Variants in MACROD1 observed in about 807,000 individuals in gnomAD.
MACROD1 encodes the protein ADP-ribose glycohydrolase MACROD1.
A neutral mutation model predicts 41.4 loss-of-function variants in MACROD1; 31 were observed. The ratio of observed to expected loss-of-function variants is 0.75; its 90% CI spans 0.56 to 1.01. MACROD1 has a LOEUF of 1.01. Among genes scored for constraint, MACROD1 ranks in the 50% least tolerant of loss-of-function variants. The probability of loss-of-function intolerance (pLI) is 0.00; values close to 1 mark genes in which losing one functional copy is unlikely to be tolerated. For missense variants in MACROD1, 473 were observed against 460.0 expected (o/e 1.03, Z -0.26); for synonymous variants, 252 against 203.4 (o/e 1.24, Z -2.03).
intron 3 of MACROD1, among the ~76,000 whole-genome samples, chr11:64,037,781 G>A (rs996793666): frequency 1.3e-5 from 2 of 152,162 alleles, no homozygotes; most frequent in African/African-American, 4.8e-5. Flanking sequence ...TGGCCTGCTG[G>A]ACTTCACCTA....
At chr11:64,154,877 A>G (rs1945643345) in intron 1 of MACROD1, among the ~76,000 whole-genome samples, 1 of 152,094 alleles carries the variant, frequency 6.6e-6, no homozygotes. Context: ...GTGCCAGCAC[A>G]CCCAACTAAT....
At chr11:64,066,641 A>C (rs1402045940) in intron 3 of MACROD1, among the ~76,000 whole-genome samples, 1 of 151,788 alleles carries the variant, frequency 6.6e-6, no homozygotes, top group East Asian at 1.9e-4. Flanking sequence ...TGTCTTCAAA[A>C]AGAAAAAAAA....
chr11:64,146,007 C>T lies in MACROD1; in HGVS notation c.517+5232G>A. The stretch of plus-strand genomic sequence containing the variant: ...CTGCTCTCAAACTCCTGACCTCAAG[C>T]GATCCGCCCGCCTCGGCCTCCCAAA... On this transcript the variant is annotated intron_variant, in intron 3 of 10. Transcript: ENST00000255681. The surrounding 1 kb of genome is among the most constrained non-coding windows in gnomAD (Gnocchi z 4.7). Among the ~76,000 whole-genome samples the T allele has an allele frequency of 6.6e-6, 1 of 151,858 alleles. No individual in the cohort carries two copies. Among genetic ancestry groups the T allele is most frequent in the East Asian group, 1.9e-4 (1 of 5,154 alleles).
At position 64,146,780 on chromosome 11, in the gene MACROD1, AT is replaced by A. The variant is rs2134692760; in HGVS notation, c.517+4458del. 6.6e-6 allele frequency among the ~76,000 whole-genome samples: 1 copy of A among 151,186 alleles called. No individual in the cohort carries two copies. The highest frequency in any genetic ancestry group is 2.4e-5 in the African/African-American group (1 of 41,152). ...TCACGCACACACACGCATCACACAC[AT>A]CATACAAATGCATACGCACACCCCA... is the stretch of plus-strand genomic sequence containing the variant. On this transcript the variant is annotated intron_variant, in intron 3 of 10. Coordinates refer to ENST00000255681, the MANE Select transcript of MACROD1 (RefSeq NM_014067.4). The surrounding 1 kb of genome is among the most constrained non-coding windows in gnomAD (Gnocchi z 4.7).
chr11:64,130,455 G>T (rs149767683), intron 3 of MACROD1, among the ~76,000 whole-genome samples: 15 of 152,238 alleles, frequency 9.9e-5, no homozygotes, highest in African/African-American at 3.6e-4. Context: ...CCCAGGAGGG[G>T]TCTCTGGCCT....
intron 3 of MACROD1, among the ~76,000 whole-genome samples, chr11:64,065,946 G>T (rs1447594023): frequency 6.6e-6 from 1 of 152,132 alleles, no homozygotes; most frequent in Non-Finnish European, 1.5e-5. Flanking sequence ...CTTTCCAGGG[G>T]AGGTGACCTT....
chr11:64,046,290 A>G (rs940880244), intron 3 of MACROD1, among the ~76,000 whole-genome samples: 2 of 152,192 alleles, frequency 1.3e-5, no homozygotes, highest in African/African-American at 4.8e-5. Flanking sequence ...AGAACCTTCT[A>G]GTAGCAAACT....
chr11:64,129,085 C>T (rs1166180907), intron 3 of MACROD1, among the ~76,000 whole-genome samples: 1 of 152,256 alleles, frequency 6.6e-6, no homozygotes, highest in Non-Finnish European at 1.5e-5. Flanking sequence ...GTGGAGCCCT[C>T]GAAGCTAGGG....
intron 3 of MACROD1, among the ~76,000 whole-genome samples, chr11:64,073,003 G>T (rs1311412410): frequency 6.6e-6 from 1 of 152,170 alleles, no homozygotes; most frequent in Non-Finnish European, 1.5e-5. Flanking sequence ...CCAGAGAGGG[G>T]TCGGGACCCA....
intron 3 of MACROD1, among the ~76,000 whole-genome samples, chr11:64,097,531 C>T (rs1156290393): frequency 4.6e-5 from 7 of 152,244 alleles, no homozygotes; most frequent in African/African-American, 7.2e-5. Context: ...CCAGGCCCGC[C>T]GGCCGGGCGG....
At chr11:64,094,885 C>G (rs916766337) in intron 3 of MACROD1, among the ~76,000 whole-genome samples, 2 of 152,296 alleles carry the variant, frequency 1.3e-5, no homozygotes, top group Non-Finnish European at 2.9e-5. Context: ...TGGATTTCGC[C>G]GAATGTCCCA....
At chr11:64,164,589 C>A (rs1281700077) in intron 1 of MACROD1, among the ~76,000 whole-genome samples, 1 of 152,260 alleles carries the variant, frequency 6.6e-6, no homozygotes, top group Non-Finnish European at 1.5e-5. Context: ...AAAGTCGGTG[C>A]TTTCTGCCGT....
intron 3 of MACROD1, among the ~76,000 whole-genome samples, chr11:64,052,121 G>A (rs1206071644): frequency 4.6e-5 from 7 of 152,038 alleles, no homozygotes; most frequent in African/African-American, 1.7e-4. Flanking sequence ...CCTCCTCCCT[G>A]TAGTGAGAAA....
intron 3 of MACROD1, among the ~76,000 whole-genome samples, chr11:64,023,233 A>G (rs1943180843): frequency 6.6e-6 from 1 of 152,042 alleles, no homozygotes; most frequent in Non-Finnish European, 1.5e-5. Flanking sequence ...ACTGAGGCCC[A>G]GAGAAGAGAA....
At chr11:64,076,777 G>A (rs891617590) in intron 3 of MACROD1, among the ~76,000 whole-genome samples, 3 of 152,190 alleles carry the variant, frequency 2.0e-5, no homozygotes, top group African/African-American at 7.2e-5. Flanking sequence ...AGCTAGCTAA[G>A]GTGGGACCCA....
chr11:64,023,726 C>A (rs564235230), intron 3 of MACROD1, among the ~76,000 whole-genome samples: 2 of 152,242 alleles, frequency 1.3e-5, no homozygotes, highest in South Asian at 4.1e-4. Context: ...CTCCCCTGTA[C>A]CTCAGAGCGG....
intron 2 of MACROD1, 60 bp downstream of exon 2, chr11:64,152,232 A>G: frequency 1.3e-5 from 19 of 1,477,154 alleles, no homozygotes; most frequent in Non-Finnish European, 1.7e-5. Context: ...TGTCTGCACA[A>G]TTCTCCCAAG....
chr11:63,999,704 C>T lies in MACROD1; in HGVS notation c.724G>A (p.Glu242Lys), dbSNP rs774702446. 3.1e-6 allele frequency: 5 copies of T among 1,608,764 alleles called. No individual in the cohort carries two copies. Among genetic ancestry groups the T allele is most frequent in the Non-Finnish European group, 4.2e-6 (5 of 1,179,220 alleles). Residue 242 changes from glutamate (E) to lysine (K), a missense_variant, in exon 6 of 11, where the codon GAG becomes AAG. Glu to Lys is a moderately conservative substitution (Grantham distance 56). Transcript: ENST00000255681. ...YGEPSASQAAELRSCYLSSLD... is the reference protein window; with the variant it reads ...YGEPSASQAAKLRSCYLSSLD... ...CTGCTCAGGTAGCAGCTGCGGAGCTCGGCAGCCTGACTGGCGCTGGGCTCC... is the reference window on the plus strand; with the variant it reads ...CTGCTCAGGTAGCAGCTGCGGAGCTTGGCAGCCTGACTGGCGCTGGGCTCC...
intron 3 of MACROD1, among the ~76,000 whole-genome samples, chr11:64,029,845 T>C (rs896303948): frequency 6.6e-6 from 1 of 152,106 alleles, no homozygotes; most frequent in African/African-American, 2.4e-5. Flanking sequence ...AAAAGCATAT[T>C]CTCTGCTGGG....
Sources: gnomAD v4.1 joint callset for allele counts (sites outside exome capture counted in the v4.1 genomes callset) on GRCh38, gnomAD v4.1.1 for gene constraint, Gnocchi (gnomAD v3.1) non-coding constraint, MANE v1.5 for transcripts, NCBI Gene and HGNC (gene_info 2026-07-23, HGNC 2026-07-21) for gene names.